SPDYE1: variants seen among roughly 807,000 people sequenced by gnomAD.
SPDYE1 encodes the protein speedy protein E1.
In SPDYE1, 29 loss-of-function variants were observed where a neutral mutation model predicts 45.9. The observed-to-expected ratio is 0.63, with a 90% CI of 0.47 to 0.86. The LOEUF is 0.86. Among genes scored for constraint, SPDYE1 ranks in the 40% least tolerant of loss-of-function variants. The pLI is 0.00. For synonymous variants in SPDYE1, 134 were observed against 176.8 expected (o/e 0.76, Z 1.92); for missense variants, 346 against 481.4 (o/e 0.72, Z 2.63).
chr7:43,998,253 T>C (rs560501369), intron 1 of SPDYE1, among the ~76,000 whole-genome samples: 2 of 152,246 alleles, frequency 1.3e-5, no homozygotes, highest in East Asian at 3.9e-4. Flanking sequence ...GCCTTTTCTA[T>C]GAGCGAGAGA....
rs763142848 is a variant in SPDYE1 at position 44,009,911 on chromosome 7, T to C, written c.*1290T>C. 2.0e-4 allele frequency: 31 copies of C among 152,112 alleles called. No individual in the cohort carries two copies. The highest frequency in any genetic ancestry group is 3.2e-4 in the Non-Finnish European group (22 of 68,018). 9.4% of individuals were successfully genotyped at this position (152,112 alleles called of 1,614,324 possible). On this transcript the variant is annotated 3_prime_UTR_variant, in exon 9 of 9. Transcript: ENST00000693451. ...ATTTATAGCTATGTAGTAGTTCCCC[T>C]AAATTCTTGTAAAAATAAATTTTTA...
chr7:44,000,452 G>C (rs1352221218), intron 2 of SPDYE1, among the ~76,000 whole-genome samples: 2 of 149,984 alleles, frequency 1.3e-5, no homozygotes, highest in African/African-American at 4.9e-5. Context: ...AGAAAAGAAG[G>C]GTCAGCGGTC....
chr7:44,005,600 C>G (rs1232008719), intron 6 of SPDYE1, among the ~76,000 whole-genome samples: 1 of 151,622 alleles, frequency 6.6e-6, no homozygotes, highest in Non-Finnish European at 1.5e-5. Context: ...ACTCTTTGAA[C>G]CCAGGAGGTG....
Position 44,005,195 on chromosome 7 carries a change from G to A in SPDYE1, c.720G>A (p.Trp240Ter), listed in dbSNP as rs994532202. The change falls in exon 6 of 9, where the codon TGG (tryptophan) becomes TGA (stop). Residue 240 changes from tryptophan (W) to a stop codon, truncating the protein, a stop_gained. Coordinates refer to ENST00000693451, the MANE Select transcript of SPDYE1 (RefSeq NM_001378423.2). LOFTEE classifies it high-confidence loss of function. The part of the protein sequence containing the change: ...AYFSRAGFPS[W>*]QYQRLHFFLA... ...TCAGCCGAGCCGGCTTCCCCTCCTG[G>A]CAATACCAACGCCTTCATTTCTTCC... is the stretch of plus-strand genomic sequence containing the variant. 4.3e-6 allele frequency: 7 copies of A among 1,611,804 alleles called. No individual in the cohort carries two copies. Among genetic ancestry groups the A allele is most frequent in the Admixed American group, 3.3e-5 (2 of 59,968 alleles).
At chr7:44,000,842 C>G in intron 2 of SPDYE1, 1 of 1,267,358 alleles carries the variant, frequency 7.9e-7, no homozygotes, top group Non-Finnish European at 1.0e-6. Context: ...AGCCAGGGAC[C>G]AGGGAAGGAC....
Position 44,009,875 on chromosome 7 carries a change from A to G in SPDYE1, c.*1254A>G, listed in dbSNP as rs2096076729. 1 of 151,944 alleles carries G rather than the reference A, an allele frequency of 6.6e-6. No homozygotes were observed. The highest frequency in any genetic ancestry group is 2.1e-4 in the South Asian group (1 of 4,828). 9.4% of individuals were successfully genotyped at this position (151,944 alleles called of 1,614,324 possible). A position where few individuals can be genotyped will look rare whatever the true frequency, so the allele number is the denominator to read the frequency against. ...TTTTTATCTATGATACTTAGTTAAC[A>G]TATATATTACATTTATAGCTATGTA... On this transcript the variant is annotated 3_prime_UTR_variant, in exon 9 of 9. Coordinates refer to ENST00000693451, the MANE Select transcript of SPDYE1 (RefSeq NM_001378423.2).
chr7:44,004,118 C>T (rs1169589370), intron 5 of SPDYE1: 171 of 906,634 alleles, frequency 1.9e-4, no homozygotes, highest in Admixed American at 1.4e-4. Flanking sequence ...TCACTGCAGC[C>T]GATGCCTCCT....
rs1234137421 is a variant in SPDYE1 at position 44,010,099 on chromosome 7, A to G, written c.*1478A>G. 1 of 152,238 alleles carries G rather than the reference A, an allele frequency of 6.6e-6. No individual in the cohort carries two copies. The highest frequency in any genetic ancestry group is 2.4e-5 in the African/African-American group (1 of 41,458). 9.4% of individuals were successfully genotyped at this position (152,238 alleles called of 1,614,324 possible). On this transcript the variant is annotated 3_prime_UTR_variant, in exon 9 of 9. Coordinates refer to ENST00000693451, the MANE Select transcript of SPDYE1 (RefSeq NM_001378423.2). ...AGAGTGTGTCTCTTGGGGAAACGTAATAAAAATGAACTTTTCTCACCTTCA... is the reference window on the plus strand; with the variant it reads ...AGAGTGTGTCTCTTGGGGAAACGTAGTAAAAATGAACTTTTCTCACCTTCA...
At chr7:44,004,058 C>CA (rs1300216233) in intron 5 of SPDYE1, 147 bp downstream of exon 5, 1 of 1,285,406 alleles carries the variant, frequency 7.8e-7, no homozygotes, top group African/African-American at 1.7e-5. Context: ...GTGTGTGAGA[C>CA]AGAGTCTTGC....
At chr7:44,007,001 T>G (rs2096072137) in intron 6 of SPDYE1, among the ~76,000 whole-genome samples, 1 of 152,264 alleles carries the variant, frequency 6.6e-6, no homozygotes, top group Non-Finnish European at 1.5e-5. Flanking sequence ...TCCTCCTGCT[T>G]TGGCCTCCCA....
At chr7:44,002,135 C>A (rs969876896) in intron 3 of SPDYE1, among the ~76,000 whole-genome samples, 15 of 148,944 alleles carry the variant, frequency 1.0e-4, no homozygotes, top group Admixed American at 4.7e-4. Context: ...TGGTGAAACC[C>A]TGTCTCTTCT....
chr7:44,002,313 C>CAAA (rs1282558803), intron 3 of SPDYE1, among the ~76,000 whole-genome samples: 2 of 43,930 alleles, frequency 4.6e-5, no homozygotes, highest in Non-Finnish European at 8.5e-5. Context: ...TTCTCAACAA[C>CAAA]AACAACAAAA....
At chr7:43,999,396 T>TCTCTTGTACATGGTAATCTCA (rs2096059605) in intron 1 of SPDYE1, among the ~76,000 whole-genome samples, 132 bp from the exon 2 acceptor site, 1 of 129,730 alleles carries the variant, frequency 7.7e-6, no homozygotes, top group Admixed American at 8.1e-5. Context: ...ATTCCTGGGA[T>TCTCTTGTACATGGTAATCTCA]CTCTTGTACA....
intron 6 of SPDYE1, among the ~76,000 whole-genome samples, chr7:44,006,581 C>T (rs1238789361): frequency 1.3e-5 from 2 of 151,752 alleles, no homozygotes; most frequent in Non-Finnish European, 2.9e-5. Flanking sequence ...TTAGCTCCGA[C>T]TACAGGGCTG....
chr7:44,005,336 CTG>C (rs1442854642), intron 6 of SPDYE1, 109 bp downstream of exon 6: 13 of 1,410,902 alleles, frequency 9.2e-6, no homozygotes, highest in Non-Finnish European at 1.3e-5. Context: ...CCTCTTTACT[CTG>C]TGTACAAAAA....
chr7:44,002,500 G>A, intron 3 of SPDYE1, 90 bp from the exon 4 acceptor site: 1 of 1,424,138 alleles, frequency 7.0e-7, no homozygotes, highest in Non-Finnish European at 9.5e-7. Flanking sequence ...GCGAGGCTGG[G>A]GAGGATGGAG....
chr7:44,006,321 G>A (rs1040122653), intron 6 of SPDYE1, among the ~76,000 whole-genome samples: 2 of 151,386 alleles, frequency 1.3e-5, no homozygotes, highest in African/African-American at 4.9e-5. Flanking sequence ...TCCAACTTCT[G>A]CATGCCCGTA....
At chr7:44,008,226 G>T (rs1344947870) in intron 8 of SPDYE1, among the ~76,000 whole-genome samples, 60 of 152,216 alleles carry the variant, frequency 3.9e-4, no homozygotes, top group African/African-American at 1.4e-3. Context: ...CACAGAGCAT[G>T]AGACTTCATC....
At chr7:43,999,161 A>ACACCATTGGAAATATGTGTGAG (rs2096059221) in intron 1 of SPDYE1, among the ~76,000 whole-genome samples, 1 of 152,136 alleles carries the variant, frequency 6.6e-6, no homozygotes, top group African/African-American at 2.4e-5. Flanking sequence ...GAAATTGGGG[A>ACACCATTGGAAATATGTGTGAG]CACCATTGGA....
Sources: gnomAD v4.1 joint callset for allele counts (sites outside exome capture counted in the v4.1 genomes callset) on GRCh38, gnomAD v4.1.1 for gene constraint, MANE v1.5 for transcripts, NCBI Gene and HGNC (gene_info 2026-07-23, HGNC 2026-07-21) for gene names.